Variants in NFRKB observed in about 807,000 individuals in gnomAD.
The protein encoded by NFRKB is nuclear factor related to kappaB binding protein.
Under a neutral mutation model 135.7 loss-of-function variants are expected in NFRKB, and 62 were observed. That is an observed-to-expected ratio of 0.46 (90% CI 0.37 to 0.56). NFRKB has a LOEUF of 0.56. NFRKB is among the 20% of genes least tolerant of loss of function. The probability of loss-of-function intolerance (pLI) is 0.00; values close to 1 mark genes in which losing one functional copy is unlikely to be tolerated. For missense variants in NFRKB, 1,545 were observed against 1,662.0 expected (o/e 0.93, Z 1.22); for synonymous variants, 678 against 635.6 (o/e 1.07, Z -1.00).
chr11:129,865,120 G>A lies in NFRKB; in HGVS notation c.3639-19C>T, dbSNP rs1948129251. ...ACTGAGGCTGTGGAGGGAAAGCAGG[G>A]GTGAGATATAATGATATCGACAGGT... On this transcript the variant is annotated intron_variant, in intron 25 of 26. Transcript: ENST00000682444. The A allele has an allele frequency of 4.4e-6, 7 of 1,604,276 alleles. No individual in the cohort carries two copies. The African/African-American group carries it at 5.4e-5, about 12-fold the overall frequency.
rs752884728 is a variant in NFRKB, at chr11:129,884,063, A to T, written c.816+7T>A. The T allele has an allele frequency of 3.7e-6, 6 of 1,614,050 alleles. No homozygotes were observed. Among genetic ancestry groups the T allele is most frequent in the African/African-American group, 1.3e-5 (1 of 75,004 alleles). ...AACCACACGGCCGCACGCCCTTCCC[A>T]TCTTACTGGCTGATGTTTCCGCTTC... On this transcript the variant is annotated splice_region_variant and intron_variant, in intron 8 of 26. Transcript: ENST00000682444.
intron 10 of NFRKB, 128 bp from the exon 11 acceptor site, chr11:129,882,322 C>G: frequency 7.5e-7 from 1 of 1,340,784 alleles, no homozygotes; most frequent in Non-Finnish European, 1.0e-6. Context: ...ATTTTCCCAG[C>G]AGTATCCCTG....
chr11:129,869,858 G>A lies in NFRKB; in HGVS notation c.3167C>T (p.Ser1056Leu), dbSNP rs772962710. 1.9e-6 allele frequency: 3 copies of A among 1,614,122 alleles called. No individual in the cohort carries two copies. The highest frequency in any genetic ancestry group is 1.3e-5 in the African/African-American group (1 of 74,934). ...AAGAGCTGGCATCAAGCGAAAAGCCGAACTTGAGGCTTCTGTTGGCTTGAG... is the reference window on the plus strand; with the variant it reads ...AAGAGCTGGCATCAAGCGAAAAGCCAAACTTGAGGCTTCTGTTGGCTTGAG... ...PDLKPTEASS[S>L]AFRLMPALGV... Residue 1056 changes from serine to leucine, a missense_variant, in exon 24 of 27, where the codon TCG becomes TTG. Transcript: ENST00000682444.
intron 15 of NFRKB, 83 bp from the exon 16 acceptor site, chr11:129,877,468 C>G: frequency 8.0e-7 from 1 of 1,253,042 alleles, no homozygotes; most frequent in East Asian, 2.3e-5. Flanking sequence ...ACCATTCCCA[C>G]TGTGACATGG....
rs760064120 is a variant in NFRKB at position 129,870,089 on chromosome 11, G to C, written c.2936C>G (p.Thr979Arg). 1.9e-5 allele frequency: 31 copies of C among 1,614,272 alleles called. No individual in the cohort carries two copies. Among genetic ancestry groups the C allele is most frequent in the Non-Finnish European group, 2.5e-5 (29 of 1,180,050 alleles). ...VLRITPDMMATLAKSQVTTVK... is the reference protein window; with the variant it reads ...VLRITPDMMARLAKSQVTTVK... ...TGTGGTAACCTGGGACTTGGCCAAT[G>C]TGGCCATCATGTCCGGAGTGATTCG... Residue 979 changes from threonine (T) to arginine (R), a missense_variant, in exon 24 of 27, where the codon ACA becomes AGA. By Grantham distance (71) the Thr-to-Arg change is moderately conservative (BLOSUM62 -1). This residue lies in a region of NFRKB where 753 missense variants were observed against 804.3 expected (regional missense o/e 0.94). Transcript: ENST00000682444.
rs765060159 is a variant in NFRKB at position 129,886,376 on chromosome 11, G to C, written c.406C>G (p.Leu136Val). The stretch of plus-strand genomic sequence containing the variant: ...TGGAAATACTGCTGCTGGGAGTTGA[G>C]GTAGCGCTTGTACTGTGACTTGAAG... ...LCFKSQYKRY[L>V]NSQQQYFHRL... is the part of the protein sequence containing the mutation. The change falls in exon 5 of 27, where the codon CTC becomes GTC. Residue 136 changes from leucine (L) to valine (V), a missense_variant. Leu to Val is a conservative substitution (Grantham distance 32, BLOSUM62 1). Coordinates refer to ENST00000682444, the MANE Select transcript of NFRKB (RefSeq NM_001143835.2). 8 of 1,614,120 alleles carry C rather than the reference G, an allele frequency of 5.0e-6. No homozygotes were observed. The South Asian group carries it at 7.7e-5, about 16-fold the overall frequency.
At chr11:129,872,678 G>T (rs1042092904) in intron 23 of NFRKB, 19 of 504,708 alleles carry the variant, frequency 3.8e-5, no homozygotes, top group African/African-American at 3.4e-4. Flanking sequence ...TAAACGGAAT[G>T]AAACAGAAGA....
intron 1 of NFRKB, among the ~76,000 whole-genome samples, chr11:129,894,844 A>G (rs1194218838): frequency 8.5e-5 from 13 of 152,228 alleles, no homozygotes; most frequent in Admixed American, 8.5e-4. Context: ...TCTTAACAGA[A>G]CTGGCATAGA....
intron 24 of NFRKB, 137 bp from the exon 25 acceptor site, chr11:129,866,120 C>A (rs917563954): frequency 4.4e-6 from 3 of 677,196 alleles, no homozygotes; most frequent in African/African-American, 1.8e-5. Flanking sequence ...GGTCTCAAGG[C>A]TCCTGAGGTT....
chr11:129,881,508 G>C lies in NFRKB; in HGVS notation c.1319C>G (p.Ala440Gly), dbSNP rs764858101. ...AAATGGAGAGAAACTGGAAGGAACA[G>C]CTGCAAGAAATGGACCACATAAACA... ...ALQYLAGESR[A>G]VPSSFSPFVE... The change falls in exon 13 of 27, where the codon GCT (alanine) becomes GGT (glycine). Residue 440 changes from alanine (A) to glycine (G), a missense_variant and splice_region_variant. By Grantham distance (60) the Ala-to-Gly change is moderately conservative (BLOSUM62 0). Around this residue, in one of 3 missense-constraint regions of NFRKB, gnomAD observed 678 missense variants for 646.7 expected, o/e 1.05. Coordinates refer to ENST00000682444, the MANE Select transcript of NFRKB (RefSeq NM_001143835.2). 1 of 1,614,132 alleles carries C rather than the reference G, an allele frequency of 6.2e-7. No individual in the cohort carries two copies. The highest frequency in any genetic ancestry group is 2.2e-5 in the East Asian group (1 of 44,888).
intron 24 of NFRKB, among the ~76,000 whole-genome samples, chr11:129,866,455 T>C (rs539140760): frequency 4.2e-4 from 64 of 151,818 alleles, no homozygotes; most frequent in East Asian, 5.8e-4. Flanking sequence ...CAACTACTCA[T>C]TGGAGTGCAG....
chr11:129,894,965 G>C lies in NFRKB; in HGVS notation c.-101-527C>G, dbSNP rs1378671271. Among the ~76,000 whole-genome samples the C allele has an allele frequency of 2.6e-5, 4 of 152,162 alleles. No homozygotes were observed. The South Asian group carries it at 8.3e-4, about 31-fold the overall frequency. ...TGCGTGTCTAGCTAAAGTTAATCTA[G>C]TCCACTGACAACCTTTGCACTGCCA... On this transcript the variant is annotated intron_variant, in intron 1 of 26. Coordinates refer to ENST00000682444, the MANE Select transcript of NFRKB (RefSeq NM_001143835.2).
rs761619726 is a variant in NFRKB, at chr11:129,874,471, T to G, written c.2058+30A>C. ...TTAGTTGCCTCCATCCCAGAATCCC[T>G]AGGGCAGACACTCTCCTGAAGTCAC... On this transcript the variant is annotated intron_variant, in intron 20 of 26. Coordinates refer to ENST00000682444, the MANE Select transcript of NFRKB (RefSeq NM_001143835.2). This position sits in a 1 kb window ranked among gnomAD's most constrained non-coding sequence, Gnocchi z 4.5. 6.2e-7 allele frequency: 1 copy of G among 1,604,832 alleles called. No homozygotes were observed. The highest frequency in any genetic ancestry group is 8.5e-7 in the Non-Finnish European group (1 of 1,176,528).
intron 24 of NFRKB, among the ~76,000 whole-genome samples, chr11:129,869,164 ATGAAGGG>A (rs1410507650): frequency 6.6e-6 from 1 of 152,250 alleles, no homozygotes; most frequent in Non-Finnish European, 1.5e-5. Flanking sequence ...ATTAGTCTTC[ATGAAGGG>A]AGAACTGGAA....
In NFRKB at chr11:129,874,976, G is replaced by A; in HGVS notation, c.1855-60C>T. The stretch of plus-strand genomic sequence containing the variant: ...CAAGCTTAGATAACAGAAGTTATTT[G>A]AACTCTAGGAAAAAAATGTCATTGT... On this transcript the variant is annotated intron_variant, in intron 18 of 26. Transcript: ENST00000682444. The surrounding 1 kb of genome is among the most constrained non-coding windows in gnomAD (Gnocchi z 4.5). 6.3e-7 allele frequency: 1 copy of A among 1,596,982 alleles called. No individual in the cohort carries two copies. Among genetic ancestry groups the A allele is most frequent in the South Asian group, 1.1e-5 (1 of 90,314 alleles).
chr11:129,867,691 T>C (rs1293326889), intron 24 of NFRKB, among the ~76,000 whole-genome samples: 5 of 152,236 alleles, frequency 3.3e-5, no homozygotes, highest in African/African-American at 1.2e-4. Context: ...TTTATATCCT[T>C]CTTCACTGCT....
chr11:129,869,668 A>G lies in NFRKB; in HGVS notation c.3357T>C (p.Ser1119=), dbSNP rs1948396980. The G allele has an allele frequency of 6.2e-7, 1 of 1,614,190 alleles. No individual in the cohort carries two copies. Among genetic ancestry groups the G allele is most frequent in the Non-Finnish European group, 8.5e-7 (1 of 1,180,042 alleles). ...THAKQGASVA[S]GSGTVHTSAV... The stretch of plus-strand genomic sequence containing the variant: ...CTGAAGTATGGACAGTTCCAGACCC[A>G]CTGGCCACCGAGGCCCCTTGCTTGG... The change falls in exon 24 of 27, where the codon AGT becomes AGC. Residue 1119 remains serine, a synonymous_variant. Transcript: ENST00000682444.
chr11:129,878,626 T>A, intron 13 of NFRKB, 83 bp from the exon 14 acceptor site: 2 of 1,096,988 alleles, frequency 1.8e-6, no homozygotes, highest in Non-Finnish European at 2.7e-6. Flanking sequence ...TAGCTGTAAC[T>A]ACAACACAGA....
rs1026448258 is a variant in NFRKB, at chr11:129,892,741, T to G, written c.109A>C (p.Ser37Arg). 2 of 1,613,950 alleles carry G rather than the reference T, an allele frequency of 1.2e-6. No individual in the cohort carries two copies. The highest frequency in any genetic ancestry group is 1.7e-6 in the Non-Finnish European group (2 of 1,180,042). Residue 37 changes from serine (S) to arginine (R), a missense_variant, in exon 3 of 27, where the codon AGT becomes CGT. By Grantham distance (110) the Ser-to-Arg change is moderately radical. Transcript: ENST00000682444. ...EDCLLGGTRV[S>R]LPEDLLEDPE... Reference sequence around the variant, plus strand: ...TCCTCCAGAAGGTCCTCGGGCAGACTAACTCTGGTGCCTCCCAGGAGGCAA... The same window carrying G: ...TCCTCCAGAAGGTCCTCGGGCAGACGAACTCTGGTGCCTCCCAGGAGGCAA...
Sources: gnomAD v4.1 joint callset for allele counts (sites outside exome capture counted in the v4.1 genomes callset) on GRCh38, gnomAD v4.1.1 for gene constraint, gnomAD v4.1.1 regional missense constraint, Gnocchi (gnomAD v3.1) non-coding constraint, MANE v1.5 for transcripts, NCBI Gene and HGNC (gene_info 2026-07-23, HGNC 2026-07-21) for gene names.